The following DNM1L variants were observed in gnomAD, a reference collection of about 807,000 sequenced individuals.
DNM1L encodes dynamin 1L.
A neutral mutation model predicts 92.8 loss-of-function variants in DNM1L; 33 were observed. That is an observed-to-expected ratio of 0.36 (90% CI 0.27 to 0.48). The LOEUF is 0.48. Ranked by LOEUF, DNM1L falls within the 20% of genes least tolerant of loss-of-function variation. DNM1L has a pLI of 0.99. For missense variants in DNM1L, 485 were observed against 888.8 expected (o/e 0.55, Z 5.78); for synonymous variants, 284 against 305.0 (o/e 0.93, Z 0.72).
rs780088382 is a variant in DNM1L at position 32,737,080 on chromosome 12, CTTTTG to C, written c.1540-19_1540-15del. On this transcript the variant is annotated intron_variant, in intron 13 of 19. Coordinates refer to ENST00000549701, the MANE Select transcript of DNM1L (RefSeq NM_012062.5). ...ATATATCTCAATACTTGGATAATCA[CTTTTG>C]TTTTGCTTGTGTTTCTTAGGAACAA... The C allele has an allele frequency of 6.2e-7, 1 of 1,613,166 alleles. No homozygotes were observed. Among genetic ancestry groups the C allele is most frequent in the Non-Finnish European group, 8.5e-7 (1 of 1,179,630 alleles).
chr12:32,738,103 A>G (rs1955027138), intron 15 of DNM1L, 161 bp downstream of exon 15: 1 of 1,039,976 alleles, frequency 9.6e-7, no homozygotes, highest in Non-Finnish European at 1.4e-6. Flanking sequence ...TAACAATGCA[A>G]TGCATAGTTT....
At chr12:32,740,036 T>C (rs1565544246) in intron 16 of DNM1L, 28 bp from the exon 17 acceptor site, 1 of 1,614,066 alleles carries the variant, frequency 6.2e-7, no homozygotes, top group Non-Finnish European at 8.5e-7. Context: ...ATGATGTGGT[T>C]GGTATGTTTT....
chr12:32,690,854 C>G (rs933649275), intron 1 of DNM1L, among the ~76,000 whole-genome samples: 1 of 152,006 alleles, frequency 6.6e-6, no homozygotes, highest in Non-Finnish European at 1.5e-5. Flanking sequence ...TTTTCATGTA[C>G]AAAATGTCAG....
chr12:32,713,108 A>T, intron 5 of DNM1L, 101 bp from the exon 6 acceptor site: 1 of 1,155,042 alleles, frequency 8.7e-7, no homozygotes, highest in Non-Finnish European at 1.2e-6. Flanking sequence ...TATTTTAACT[A>T]TTTTTAAATG....
At chr12:32,687,181 G>A (rs567999033) in intron 1 of DNM1L, among the ~76,000 whole-genome samples, 14 of 149,896 alleles carry the variant, frequency 9.3e-5, no homozygotes, top group Admixed American at 6.6e-4. Flanking sequence ...GCTTTATGGT[G>A]TCATATCTAA....
In DNM1L at chr12:32,731,617, C is replaced by A; in HGVS notation, c.1356+106C>A. The A allele has an allele frequency of 7.2e-7, 1 of 1,389,846 alleles. No individual in the cohort carries two copies. The highest frequency in any genetic ancestry group is 1.0e-6 in the Non-Finnish European group (1 of 1,000,192). The allele number at this position is 1,389,846 out of a possible 1,614,324, so 86.1% of individuals were successfully genotyped here. A position where few individuals can be genotyped will look rare whatever the true frequency, so the allele number is the denominator to read the frequency against. On this transcript the variant is annotated intron_variant, in intron 11 of 19. Coordinates refer to ENST00000549701, the MANE Select transcript of DNM1L (RefSeq NM_012062.5). This position sits in a 1 kb window ranked among gnomAD's most constrained non-coding sequence, Gnocchi z 5.1. ...TATAAGATGGGATACAAGGTAAAAT[C>A]TGTAGTTCCCTTACCTGAAAGTGAT...
intron 13 of DNM1L, among the ~76,000 whole-genome samples, chr12:32,735,492 T>C (rs902415182): frequency 1.2e-4 from 19 of 152,240 alleles, no homozygotes; most frequent in African/African-American, 4.6e-4. Context: ...TTAATATCTA[T>C]ACTTTTATTA....
chr12:32,738,203 C>CA, intron 15 of DNM1L, 61 bp from the exon 16 acceptor site: 1 of 1,582,426 alleles, frequency 6.3e-7, no homozygotes, highest in Non-Finnish European at 8.7e-7. Flanking sequence ...TTTTGAATTT[C>CA]AACCCATTGG....
chr12:32,686,959 G>A (rs10844289), intron 1 of DNM1L, among the ~76,000 whole-genome samples: 19,477 of 112,570 alleles, frequency 0.17, 1,618 homozygotes, highest in Middle Eastern at 0.26. Flanking sequence ...TTTTTTTTGA[G>A]ATGGAGTCTC....
At chr12:32,737,994 A>G (rs1955018853) in intron 15 of DNM1L, 52 bp downstream of exon 15, 2 of 1,568,442 alleles carry the variant, frequency 1.3e-6, no homozygotes, top group South Asian at 2.2e-5. Flanking sequence ...CTGGTACAAC[A>G]TAATCTTCTG....
At chr12:32,722,803 T>C in intron 9 of DNM1L, 170 bp downstream of exon 9, 1 of 521,906 alleles carries the variant, frequency 1.9e-6, no homozygotes, top group Non-Finnish European at 3.4e-6. Flanking sequence ...AAAATATGCT[T>C]TGTAAATGAT....
intron 4 of DNM1L, among the ~76,000 whole-genome samples, chr12:32,708,801 A>G (rs1456511992): frequency 2.6e-5 from 4 of 152,120 alleles, no homozygotes; most frequent in African/African-American, 9.7e-5. Flanking sequence ...TAATCTTGAC[A>G]CTAGGTACTA....
chr12:32,730,695 G>A (rs1385343704), intron 9 of DNM1L, among the ~76,000 whole-genome samples: 1 of 152,148 alleles, frequency 6.6e-6, no homozygotes, highest in East Asian at 1.9e-4. Flanking sequence ...TAAATATAAG[G>A]CACTGTTTCC....
chr12:32,693,283 T>G (rs890317488), intron 1 of DNM1L, among the ~76,000 whole-genome samples: 4 of 152,236 alleles, frequency 2.6e-5, no homozygotes, highest in Non-Finnish European at 5.9e-5. Context: ...TTTGAGGTTT[T>G]GTTTTGTGAG....
At chr12:32,732,093 A>C (rs1181633587) in intron 12 of DNM1L, 150 bp downstream of exon 12, 3 of 657,908 alleles carry the variant, frequency 4.6e-6, no homozygotes. Context: ...GTTGAGTTTC[A>C]GTCTCATTTT....
chr12:32,704,148 C>T (rs2137317573), intron 2 of DNM1L, among the ~76,000 whole-genome samples: 1 of 151,990 alleles, frequency 6.6e-6, no homozygotes, highest in South Asian at 2.1e-4. Flanking sequence ...ATATATGATA[C>T]TTCTGAACAG....
At chr12:32,733,658 C>A in intron 12 of DNM1L, 57 bp from the exon 13 acceptor site, 1 of 1,440,468 alleles carries the variant, frequency 6.9e-7, no homozygotes, top group Non-Finnish European at 9.8e-7. Context: ...ATAAATTTCT[C>A]AAAGTAAAAT....
At chr12:32,686,928 C>CTT (rs1432118973) in intron 1 of DNM1L, among the ~76,000 whole-genome samples, 5 of 121,634 alleles carry the variant, frequency 4.1e-5, no homozygotes, top group East Asian at 2.2e-4. Context: ...TGTAAGAGTT[C>CTT]TTTTTTTTCT....
At chr12:32,689,354 C>A (rs1007063169) in intron 1 of DNM1L, among the ~76,000 whole-genome samples, 1 of 151,990 alleles carries the variant, frequency 6.6e-6, no homozygotes, top group Non-Finnish European at 1.5e-5. Context: ...TGCGCCACCA[C>A]GCCTGGCTAA....
Sources: gnomAD v4.1 joint callset for allele counts (sites outside exome capture counted in the v4.1 genomes callset) on GRCh38, gnomAD v4.1.1 for gene constraint, Gnocchi (gnomAD v3.1) non-coding constraint, MANE v1.5 for transcripts, NCBI Gene and HGNC (gene_info 2026-07-23, HGNC 2026-07-21) for gene names.